DNAJB4: variants seen among roughly 807,000 people sequenced by gnomAD.
The protein encoded by DNAJB4 is dnaJ homolog subfamily B member 4.
DNAJB4 carries 10 observed loss-of-function variants against 26.6 expected under a neutral mutation model. That is an observed-to-expected ratio of 0.38 (90% confidence interval 0.23 to 0.64). The LOEUF is 0.64. DNAJB4 is among the 30% of genes least tolerant of loss of function. DNAJB4 has a pLI of 0.58. For synonymous variants in DNAJB4, 136 were observed against 134.8 expected (o/e 1.01, Z -0.06); for missense variants, 328 against 408.2 (o/e 0.80, Z 1.69).
chr1:77,995,824 T>TA (rs1325800993), intron 1 of DNAJB4, among the ~76,000 whole-genome samples: 9 of 152,118 alleles, frequency 5.9e-5, no homozygotes, highest in African/African-American at 2.2e-4. Flanking sequence ...CACATGCCTG[T>TA]AGTCCCAGCT....
intron 1 of DNAJB4, among the ~76,000 whole-genome samples, chr1:77,993,729 C>A (rs999523302): frequency 9.2e-5 from 14 of 152,126 alleles, no homozygotes; most frequent in African/African-American, 3.4e-4. Context: ...GCTTGATATG[C>A]TGATTTGACC....
intron 1 of DNAJB4, among the ~76,000 whole-genome samples, chr1:77,998,334 G>T (rs1660112799): frequency 6.6e-6 from 1 of 152,104 alleles, no homozygotes; most frequent in Non-Finnish European, 1.5e-5. Flanking sequence ...ACTATAAAAT[G>T]GACAGTCAGA....
intron 1 of DNAJB4, 129 bp downstream of exon 1, chr1:78,005,450 T>C: frequency 1.3e-6 from 1 of 757,546 alleles, no homozygotes; most frequent in Non-Finnish European, 2.1e-6. Context: ...TTCTCAGTCA[T>C]ATCAAAAGTA....
intron 1 of DNAJB4, among the ~76,000 whole-genome samples, chr1:78,007,440 G>T (rs1013252300): frequency 1.3e-5 from 2 of 152,052 alleles, no homozygotes; most frequent in African/African-American, 4.8e-5. Flanking sequence ...AATTAGCTAG[G>T]TGTGGTGGCA....
At chr1:77,983,946 TG>T (rs1293134356) in intron 1 of DNAJB4, among the ~76,000 whole-genome samples, 1 of 152,234 alleles carries the variant, frequency 6.6e-6, no homozygotes, top group Non-Finnish European at 1.5e-5. Flanking sequence ...TTTCTAGTTA[TG>T]GGTATATAGT....
At chr1:78,004,317 A>C (rs1415331366), upstream of DNAJB4, 1 of 152,222 alleles carries the variant, frequency 6.6e-6, no homozygotes, top group African/African-American at 2.4e-5. Flanking sequence ...ACTAGAAATA[A>C]CTAGTTAGCT....
At chr1:78,006,561 G>T (rs1447943293) in intron 1 of DNAJB4, among the ~76,000 whole-genome samples, 1 of 152,170 alleles carries the variant, frequency 6.6e-6, no homozygotes, top group Non-Finnish European at 1.5e-5. Context: ...CAGGGTGATT[G>T]TATATAGAGG....
intron 1 of DNAJB4, among the ~76,000 whole-genome samples, chr1:77,988,031 T>A (rs1195774002): frequency 1.5e-5 from 2 of 129,476 alleles, no homozygotes; most frequent in Non-Finnish European, 3.3e-5. Context: ...GTGTGTGTAT[T>A]TCCCCCCCCC....
At position 78,013,581 on chromosome 1, in the gene DNAJB4, T is replaced by A. The variant is rs770572389; in HGVS notation, c.742T>A (p.Ser248Thr). 2 of 1,604,828 alleles carry A rather than the reference T, an allele frequency of 1.2e-6. No homozygotes were observed. The highest frequency in any genetic ancestry group is 2.7e-5 in the African/African-American group (2 of 74,384). Residue 248 changes from serine to threonine, a missense_variant, in exon 2 of 3, where the codon TCA becomes ACA. By Grantham distance (58) the Ser-to-Thr change is moderately conservative. Coordinates refer to ENST00000370763, the MANE Select transcript of DNAJB4 (RefSeq NM_007034.5). ...KDHPKFKRDG[S>T]NIIYTAKISL... ...TCATCCAAAATTTAAAAGGGATGGA[T>A]CAAATATAATTTATACTGCTAAAAT...
chr1:77,983,344 A>G (rs1659712055), intron 1 of DNAJB4, among the ~76,000 whole-genome samples: 2 of 152,134 alleles, frequency 1.3e-5, no homozygotes, highest in Admixed American at 1.3e-4. Flanking sequence ...GGCAGGAGAC[A>G]GATGCCTTCC....
At chr1:78,014,055 A>G (rs1046635828) in intron 2 of DNAJB4, among the ~76,000 whole-genome samples, 2 of 151,998 alleles carry the variant, frequency 1.3e-5, no homozygotes, top group South Asian at 2.1e-4. Flanking sequence ...GTGCATATAA[A>G]TATATACATT....
Position 78,016,018 on chromosome 1 carries a change from T to C in DNAJB4, c.785T>C (p.Leu262Ser). 6.2e-7 allele frequency: 1 copy of C among 1,613,564 alleles called. No homozygotes were observed. The highest frequency in any genetic ancestry group is 8.5e-7 in the Non-Finnish European group (1 of 1,179,696). Residue 262 changes from leucine (L) to serine (S), a missense_variant, in exon 3 of 3, where the codon TTG (leucine) becomes TCG (serine). Transcript: ENST00000370763. The part of the protein sequence containing the change: ...YTAKISLREA[L>S]CGCSINVPTL... ...ATTTTATTTGGTCCATTTTAGGCAT[T>C]GTGTGGCTGCTCAATTAATGTACCA...
intron 1 of DNAJB4, among the ~76,000 whole-genome samples, chr1:78,008,670 T>C (rs964080224): frequency 2.0e-5 from 3 of 152,208 alleles, no homozygotes; most frequent in Non-Finnish European, 2.9e-5. Context: ...ATGATGGTTA[T>C]ACAGCTCTAT....
intron 1 of DNAJB4, among the ~76,000 whole-genome samples, chr1:78,009,300 A>G (rs1193365528): frequency 1.3e-5 from 2 of 152,130 alleles, no homozygotes; most frequent in Admixed American, 6.5e-5. Context: ...TTTCTTTGCA[A>G]TCTGAATTTT....
intron 1 of DNAJB4, among the ~76,000 whole-genome samples, chr1:77,986,328 A>G (rs1479746054): frequency 1.3e-5 from 2 of 152,184 alleles, no homozygotes; most frequent in African/African-American, 4.8e-5. Context: ...CTCACTACTT[A>G]TGGCCACAGC....
intron 1 of DNAJB4, among the ~76,000 whole-genome samples, chr1:77,997,209 G>C (rs1047361969): frequency 6.6e-6 from 1 of 150,864 alleles, no homozygotes; most frequent in Non-Finnish European, 1.5e-5. Context: ...GCTGGGTGCA[G>C]TTGCACATGC....
chr1:77,999,580 T>A (rs1490926744), intron 1 of DNAJB4, among the ~76,000 whole-genome samples: 1 of 152,168 alleles, frequency 6.6e-6, no homozygotes, highest in Non-Finnish European at 1.5e-5. Flanking sequence ...CAAGTAAAAC[T>A]TCCTGAGTCA....
intron 2 of DNAJB4, 111 bp from the exon 3 acceptor site, chr1:78,015,903 G>T: frequency 1.1e-6 from 1 of 909,762 alleles, no homozygotes. Context: ...TTATTCTTTT[G>T]GAGGTTAAAG....
chr1:78,015,883 A>G (rs1197913131), intron 2 of DNAJB4, 131 bp from the exon 3 acceptor site: 2 of 832,234 alleles, frequency 2.4e-6, no homozygotes, highest in Non-Finnish European at 3.6e-6. Flanking sequence ...AAAAAAATTT[A>G]TAACTATTGT....
Sources: allele counts gnomAD v4.1 joint callset (sites outside exome capture counted in the v4.1 genomes callset), GRCh38; gene constraint gnomAD v4.1.1; transcripts MANE v1.5; gene names NCBI Gene and HGNC (gene_info 2026-07-23, HGNC 2026-07-21).